The following PCDH7 variants were observed in gnomAD, a reference collection of about 807,000 sequenced individuals.
PCDH7 encodes the protein protocadherin-7.
A neutral mutation model predicts 58.9 loss-of-function variants in PCDH7; 17 were observed. The ratio of observed to expected loss-of-function variants is 0.29; its 90% CI spans 0.20 to 0.43. The LOEUF (loss-of-function observed/expected upper bound fraction) is 0.43, where lower values mean the gene tolerates loss of function less well. Among genes scored for constraint, PCDH7 ranks in the 20% least tolerant of loss-of-function variants. PCDH7 has a pLI of 1.00. For missense variants in PCDH7, 1,274 were observed against 1,441.0 expected, an observed-to-expected ratio of 0.88 and a Z score of 1.88; for synonymous variants, 664 against 616.4, an observed-to-expected ratio of 1.08 and a Z score of -1.14.
chr4:30,752,428 A>G (rs1345321970), intron 1 of PCDH7, among the ~76,000 whole-genome samples: 1 of 152,188 alleles, frequency 6.6e-6, no homozygotes, highest in Non-Finnish European at 1.5e-5. Flanking sequence ...AGTAGGTGAT[A>G]CCAGGAGTGA....
intron 3 of PCDH7, among the ~76,000 whole-genome samples, chr4:30,962,077 G>A (rs1205844707): frequency 1.3e-5 from 2 of 152,122 alleles, no homozygotes; most frequent in Non-Finnish European, 2.9e-5. Context: ...AATAACAAGA[G>A]CAACAGACTC....
At chr4:31,049,391 G>C (rs933627496) in intron 3 of PCDH7, among the ~76,000 whole-genome samples, 5 of 152,122 alleles carry the variant, frequency 3.3e-5, no homozygotes, top group African/African-American at 9.7e-5. Context: ...AGTGATAGGA[G>C]GTATAGGCCC....
chr4:30,890,612 G>T (rs1019239503), intron 1 of PCDH7, among the ~76,000 whole-genome samples: 7 of 151,806 alleles, frequency 4.6e-5, no homozygotes, highest in African/African-American at 1.7e-4. Context: ...TCATTTTGAT[G>T]CACATTAATA....
At chr4:31,126,517 G>A (rs1718333441) in intron 3 of PCDH7, among the ~76,000 whole-genome samples, 1 of 152,080 alleles carries the variant, frequency 6.6e-6, no homozygotes, top group South Asian at 2.1e-4. Context: ...ACAATAGTGG[G>A]ACTCATCTTC....
At chr4:30,959,345 A>T (rs1307693778) in intron 3 of PCDH7, among the ~76,000 whole-genome samples, 1 of 152,108 alleles carries the variant, frequency 6.6e-6, no homozygotes, top group African/African-American at 2.4e-5. Flanking sequence ...ACCATTAGCA[A>T]TTAAAGTTAT....
At chr4:30,730,333 G>A (rs937505630) in intron 1 of PCDH7, among the ~76,000 whole-genome samples, 1 of 151,956 alleles carries the variant, frequency 6.6e-6, no homozygotes, top group Non-Finnish European at 1.5e-5. Flanking sequence ...TTCTAAAGCA[G>A]TGACTCTTTT....
chr4:30,907,927 G>A lies in PCDH7; in HGVS notation c.71-12226G>A, dbSNP rs554276398. The stretch of plus-strand genomic sequence containing the variant: ...ATGGAATACTATGCAGCCATAAAAA[G>A]AATGAGTTCATGTCCTTTGTGGGGA... On this transcript the variant is annotated intron_variant, in intron 1 of 3. Transcript: ENST00000509759. Among the ~76,000 whole-genome samples, 6 of 152,192 alleles carry A rather than the reference G, an allele frequency of 3.9e-5. No homozygotes were observed. The East Asian group carries it at 1.2e-3, about 29-fold the overall frequency.
chr4:31,063,542 A>C (rs184466123), intron 3 of PCDH7, among the ~76,000 whole-genome samples: 16 of 151,862 alleles, frequency 1.1e-4, no homozygotes, highest in Admixed American at 4.6e-4. Flanking sequence ...GAAATGTATT[A>C]TTTTCCTCCA....
intron 1 of PCDH7, among the ~76,000 whole-genome samples, chr4:30,861,986 A>T (rs188216364): frequency 6.6e-6 from 1 of 152,230 alleles, no homozygotes; most frequent in East Asian, 1.9e-4. Flanking sequence ...TACTTAGGGC[A>T]TGTTAAGAAG....
chr4:30,948,932 T>C (rs1747034106), intron 2 of PCDH7, among the ~76,000 whole-genome samples: 1 of 152,152 alleles, frequency 6.6e-6, no homozygotes, highest in Non-Finnish European at 1.5e-5. Flanking sequence ...ACGAAAAGAA[T>C]TATTGTTTTC....
chr4:31,095,265 AG>A (rs1713812381), intron 3 of PCDH7, among the ~76,000 whole-genome samples: 1 of 152,064 alleles, frequency 6.6e-6, no homozygotes, highest in Non-Finnish European at 1.5e-5. Flanking sequence ...TGATCTAGTG[AG>A]TCCCTCCCTG....
intron 3 of PCDH7, among the ~76,000 whole-genome samples, chr4:31,111,548 G>C (rs1716321127): frequency 6.6e-6 from 1 of 152,070 alleles, no homozygotes; most frequent in Admixed American, 6.5e-5. Context: ...GACTTCAGGT[G>C]ATCGGCCCAT....
At chr4:30,880,780 A>G (rs1365984980) in intron 1 of PCDH7, among the ~76,000 whole-genome samples, 1 of 152,188 alleles carries the variant, frequency 6.6e-6, no homozygotes, top group African/African-American at 2.4e-5. Flanking sequence ...AGATAAGAAC[A>G]AGGAGAAGTG....
At chr4:31,108,369 T>TAAAAAAAAAAAAAAAAAAAAAAA (rs71190491) in intron 3 of PCDH7, among the ~76,000 whole-genome samples, 9 of 60,070 alleles carry the variant, frequency 1.5e-4, no homozygotes, top group Admixed American at 2.6e-4. Flanking sequence ...CAGCATACAG[T>TAAAAAAAAAAAAAAAAAAAAAAA]AAAAAAAAAA....
At chr4:30,821,615 C>G (rs1326505572) in intron 1 of PCDH7, among the ~76,000 whole-genome samples, 2 of 152,164 alleles carry the variant, frequency 1.3e-5, no homozygotes, top group Non-Finnish European at 2.9e-5. Context: ...AGGCAGTGTT[C>G]CTCTTACTAC....
At chr4:31,034,354 T>A (rs769240922) in intron 3 of PCDH7, among the ~76,000 whole-genome samples, 8 of 152,164 alleles carry the variant, frequency 5.3e-5, no homozygotes, top group Non-Finnish European at 8.8e-5. Context: ...TTACCTAATT[T>A]TAAAAGGAAA....
At chr4:30,741,540 A>T (rs192091393) in intron 1 of PCDH7, among the ~76,000 whole-genome samples, 165 of 152,246 alleles carry the variant, frequency 1.1e-3, no homozygotes, top group Non-Finnish European at 1.8e-3. Context: ...TTTCCTAGGA[A>T]TGGAAATAAA....
intron 3 of PCDH7, among the ~76,000 whole-genome samples, chr4:30,950,594 T>C (rs932297106): frequency 1.3e-5 from 2 of 152,184 alleles, no homozygotes; most frequent in Admixed American, 6.5e-5. Context: ...TCTGTGAATT[T>C]TATTTCAAAA....
At chr4:30,953,161 A>G (rs1747530145) in intron 3 of PCDH7, among the ~76,000 whole-genome samples, 1 of 152,098 alleles carries the variant, frequency 6.6e-6, no homozygotes, top group African/African-American at 2.4e-5. Flanking sequence ...CAGGGACACA[A>G]AGTCTAGAGG....
Sources: gnomAD v4.1 joint callset for allele counts (sites outside exome capture counted in the v4.1 genomes callset) on GRCh38, gnomAD v4.1.1 for gene constraint, MANE v1.5 for transcripts, NCBI Gene and HGNC (gene_info 2026-07-23, HGNC 2026-07-21) for gene names.